SARDH: variants seen among roughly 807,000 people sequenced by gnomAD.
SARDH encodes the protein sarcosine dehydrogenase, mitochondrial.
A neutral mutation model predicts 109.1 loss-of-function variants in SARDH; 95 were observed. That is an observed-to-expected ratio of 0.87 (90% CI 0.74 to 1.03). The LOEUF is 1.03. SARDH is among the 50% of genes least tolerant of loss of function. The pLI, the probability that SARDH is intolerant of heterozygous loss-of-function variation, is 0.00. For synonymous variants in SARDH, 572 were observed against 534.8 expected (o/e 1.07, Z -0.96); for missense variants, 1,267 against 1,287.8 (o/e 0.98, Z 0.25).
chr9:133,722,642 GCTCTCTCTCTCTCTCTCT>G (rs56179331), intron 6 of SARDH, among the ~76,000 whole-genome samples: 23 of 145,748 alleles, frequency 1.6e-4, no homozygotes, highest in Admixed American at 5.4e-4. Flanking sequence ...AACTACTAGC[GCTCTCTCTCTCTCTCTCT>G]CTCTCTCTCT....
At position 133,713,111 on chromosome 9, in the gene SARDH, G is replaced by A. The variant is rs1045244357; in HGVS notation, c.1164C>T (p.Pro388=). 9.3e-6 allele frequency: 15 copies of A among 1,613,084 alleles called. No homozygotes were observed. In the South Asian group the frequency reaches 9.9e-5, roughly 11 times the overall value. ...STVCGPESFT[P]DHKPLMGEAP... ...CCTCCCCCATCAGGGGCTTGTGGTC[G>A]GGCGTGAAGGATTCTGAAAGAAGGA... The change falls in exon 9 of 21, where the codon CCC becomes CCT. Residue 388 remains proline, a synonymous_variant. Coordinates refer to ENST00000439388, the MANE Select transcript of SARDH (RefSeq NM_001134707.2).
At position 133,689,553 on chromosome 9, in the gene SARDH, A is replaced by G. The variant is rs1162704018; in HGVS notation, c.2069+827T>C. On this transcript the variant is annotated intron_variant, in intron 16 of 20. Transcript: ENST00000439388. ...ATCCCCATCAGCCCTGGCACTGACC[A>G]GCTGTGTGACCTTGGGCAAATGTCT... Among the ~76,000 whole-genome samples the G allele has an allele frequency of 2.0e-5, 3 of 152,326 alleles. No homozygotes were observed. In the East Asian group the frequency reaches 5.8e-4, roughly 29 times the overall value.
chr9:133,662,051 G>A (rs1405591237), downstream of SARDH, among the ~76,000 whole-genome samples: 2 of 152,104 alleles, frequency 1.3e-5, no homozygotes, highest in South Asian at 2.1e-4. This position sits in a 1 kb window ranked among gnomAD's most constrained non-coding sequence, Gnocchi z 5.1. Flanking sequence ...AGCTTGGGAG[G>A]TGAGTTGTGG....
At chr9:133,696,857 T>C (rs1381696179) in intron 13 of SARDH, among the ~76,000 whole-genome samples, 1 of 152,162 alleles carries the variant, frequency 6.6e-6, no homozygotes, top group Non-Finnish European at 1.5e-5. Flanking sequence ...TCTGCTTGTA[T>C]GTGCTTGCAT....
chr9:133,671,629 G>C lies in SARDH; in HGVS notation c.2232C>G (p.Cys744Trp). ...GWELHIPKAS[C>W]VPVYRAVMAA... ...CCATCACAGCCCGGTACACAGGCAC[G>C]CAGGACGCCTTTGGAATGTGCAGCT... Residue 744 changes from cysteine (C) to tryptophan (W), a missense_variant, in exon 18 of 21, where the codon TGC becomes TGG. Coordinates refer to ENST00000439388, the MANE Select transcript of SARDH (RefSeq NM_001134707.2). 6.2e-7 allele frequency: 1 copy of C among 1,600,218 alleles called. No individual in the cohort carries two copies.
chr9:133,737,256 C>G (rs527827177), intron 1 of SARDH, among the ~76,000 whole-genome samples: 1 of 152,212 alleles, frequency 6.6e-6, no homozygotes, highest in Non-Finnish European at 1.5e-5. Flanking sequence ...CATCTCCTGC[C>G]CCAGTGCCCC....
chr9:133,727,155 T>C (rs1018853769), intron 6 of SARDH, among the ~76,000 whole-genome samples: 2 of 152,116 alleles, frequency 1.3e-5, no homozygotes, highest in Admixed American at 1.3e-4. Context: ...GCTTTAATGA[T>C]AGCTCAGAGA....
In SARDH at chr9:133,682,741, G is replaced by T. The variant is rs933027007; in HGVS notation, c.2163+2452C>A. 4.8e-5 allele frequency among the ~76,000 whole-genome samples: 5 copies of T among 103,672 alleles called. No individual in the cohort carries two copies. In the South Asian group the frequency reaches 1.6e-3, roughly 34 times the overall value. 68.0% of individuals were successfully genotyped at this position (103,672 alleles called of 152,430 possible). A position where few individuals can be genotyped will look rare whatever the true frequency, so the allele number is the denominator to read the frequency against. ...GTGATGGTTGGAAACTGCTAGAAGC[G>T]AGGTCTGCACTCAGCCCCTGTGCTG... On this transcript the variant is annotated intron_variant, in intron 17 of 20. Transcript: ENST00000439388.
Position 133,713,092 on chromosome 9 carries a change from C to T in SARDH, c.1183G>A (p.Gly395Arg). Residue 395 changes from glycine to arginine, a missense_variant, in exon 9 of 21, where the codon GGG (glycine) becomes AGG (arginine). By Grantham distance (125) the Gly-to-Arg change is moderately radical. Coordinates refer to ENST00000439388, the MANE Select transcript of SARDH (RefSeq NM_001134707.2). ...SFTPDHKPLM[G>R]EAPELRGFFL... Reference sequence around the variant, plus strand: ...AACCCTCGGAGCTCAGGTGCCTCCCCCATCAGGGGCTTGTGGTCGGGCGTG... The same window carrying T: ...AACCCTCGGAGCTCAGGTGCCTCCCTCATCAGGGGCTTGTGGTCGGGCGTG... 6.2e-7 allele frequency: 1 copy of T among 1,613,484 alleles called. No homozygotes were observed.
Position 133,716,493 on chromosome 9 carries a change from C to A in SARDH, c.1150+833G>T, listed in dbSNP as rs536001101. ...CAGAGAGTGCACCTTTGCCAGGGCC[C>A]AGGCCAGCAGCCTCAGCCCCACACC... On this transcript the variant is annotated intron_variant, in intron 8 of 20. Coordinates refer to ENST00000439388, the MANE Select transcript of SARDH (RefSeq NM_001134707.2). 2.6e-4 allele frequency among the ~76,000 whole-genome samples: 39 copies of A among 152,318 alleles called. 1 individual carries two copies. The South Asian group carries it at 3.5e-3, about 14-fold the overall frequency.
At chr9:133,715,993 C>T (rs1214666755) in intron 8 of SARDH, among the ~76,000 whole-genome samples, 1 of 152,236 alleles carries the variant, frequency 6.6e-6, no homozygotes, top group African/African-American at 2.4e-5. Flanking sequence ...CTCCCCCTAC[C>T]AGGAAGCAGT....
chr9:133,722,640 GCGCTCTCTCTCTCTCT>G (rs1832362713), intron 6 of SARDH, among the ~76,000 whole-genome samples: 1 of 98,820 alleles, frequency 1.0e-5, no homozygotes, highest in African/African-American at 4.2e-5. Context: ...AAAACTACTA[GCGCTCTCTCTCTCTCT>G]CTCTCTCTCT....
intron 13 of SARDH, 40 bp downstream of exon 13, chr9:133,702,876 G>A: frequency 1.3e-6 from 2 of 1,579,988 alleles, no homozygotes; most frequent in Non-Finnish European, 1.7e-6. Flanking sequence ...TGAGGGACAG[G>A]CAGAAGGACG....
chr9:133,708,620 C>T (rs1831795366), intron 10 of SARDH, among the ~76,000 whole-genome samples, 192 bp from the exon 11 acceptor site: 1 of 152,140 alleles, frequency 6.6e-6, no homozygotes, highest in South Asian at 2.1e-4. Flanking sequence ...CCAGAGCCAC[C>T]CCACCCCAGT....
intron 10 of SARDH, among the ~76,000 whole-genome samples, chr9:133,710,553 A>G (rs1831879459): frequency 1.3e-5 from 2 of 152,230 alleles, no homozygotes; most frequent in African/African-American, 4.8e-5. Flanking sequence ...CTCTGGCCTG[A>G]GGGGAGCAAC....
chr9:133,694,025 G>T (rs548395184), intron 15 of SARDH, among the ~76,000 whole-genome samples: 9 of 152,234 alleles, frequency 5.9e-5, no homozygotes, highest in Non-Finnish European at 1.5e-5. Context: ...AGCGTGGACA[G>T]GTTCAGAGAT....
chr9:133,698,129 A>G (rs1237845309), intron 13 of SARDH, among the ~76,000 whole-genome samples: 2 of 152,180 alleles, frequency 1.3e-5, no homozygotes, highest in East Asian at 3.8e-4. Context: ...TTTCTATATT[A>G]GCAATGAACA....
In SARDH at chr9:133,696,301, C is replaced by T. The variant is rs768409216; in HGVS notation, c.1729G>A (p.Gly577Arg). 29 of 1,614,028 alleles carry T rather than the reference C, an allele frequency of 1.8e-5. No homozygotes were observed. The highest frequency in any genetic ancestry group is 2.2e-5 in the Non-Finnish European group (26 of 1,180,038). ...TCCAGCCCCACCAGGTAGAACTTCC[C>T]GAAGTAGGACATGTCAAACACAGCG... ...AAAVFDMSYF[G>R]KFYLVGLDAR... The change falls in exon 14 of 21, where the codon GGG becomes AGG. Residue 577 changes from glycine (G) to arginine (R), a missense_variant. Gly to Arg is a moderately radical substitution (Grantham distance 125, BLOSUM62 -2). Coordinates refer to ENST00000439388, the MANE Select transcript of SARDH (RefSeq NM_001134707.2).
downstream of SARDH, among the ~76,000 whole-genome samples, chr9:133,662,807 C>T (rs1415810115): frequency 2.6e-5 from 4 of 152,216 alleles, no homozygotes; most frequent in East Asian, 7.7e-4. The surrounding 1 kb of genome is among the most constrained non-coding windows in gnomAD (Gnocchi z 5.1). Flanking sequence ...GCATGCCTGG[C>T]AAGACTGCGC....
Sources: gnomAD v4.1 joint callset for allele counts (sites outside exome capture counted in the v4.1 genomes callset) on GRCh38, gnomAD v4.1.1 for gene constraint, Gnocchi (gnomAD v3.1) non-coding constraint, MANE v1.5 for transcripts, NCBI Gene and HGNC (gene_info 2026-07-23, HGNC 2026-07-21) for gene names.